Variants in PTPRG observed in about 807,000 individuals in gnomAD.
The protein encoded by PTPRG is protein tyrosine phosphatase receptor type G, also known as receptor-type tyrosine-protein phosphatase gamma.
Under a neutral mutation model 165.3 loss-of-function variants are expected in PTPRG, and 102 were observed. The observed-to-expected ratio is 0.62, with a 90% CI of 0.53 to 0.73. The LOEUF is 0.73. PTPRG is among the 30% of genes least tolerant of loss of function. The probability of loss-of-function intolerance (pLI) is 0.00; values close to 1 mark genes in which losing one functional copy is unlikely to be tolerated. For synonymous variants in PTPRG, 675 were observed against 669.5 expected (o/e 1.01, Z -0.13); for missense variants, 1,866 against 1,861.4 (o/e 1.00, Z -0.05).
intron 1 of PTPRG, among the ~76,000 whole-genome samples, chr3:61,572,255 T>G (rs981181960): frequency 5.3e-5 from 8 of 152,190 alleles, no homozygotes; most frequent in African/African-American, 1.9e-4. Flanking sequence ...TGTTTGTTTG[T>G]TTTTTAAACA....
Position 62,233,306 on chromosome 3 carries a change from C to A in PTPRG, c.2375+1995C>A, listed in dbSNP as rs1362569279. On this transcript the variant is annotated intron_variant, in intron 14 of 29. Coordinates refer to ENST00000474889, the MANE Select transcript of PTPRG (RefSeq NM_002841.4). This position sits in a 1 kb window ranked among gnomAD's most constrained non-coding sequence, Gnocchi z 4.7. The stretch of plus-strand genomic sequence containing the variant: ...ATGTCTGTGCTTCTTACGCTAGCCG[C>A]CCTGCTGTAATGTACAATTCCTCAT... 6.6e-6 allele frequency among the ~76,000 whole-genome samples: 1 copy of A among 152,164 alleles called. No homozygotes were observed. Among genetic ancestry groups the A allele is most frequent in the African/African-American group, 2.4e-5 (1 of 41,436 alleles).
intron 2 of PTPRG, among the ~76,000 whole-genome samples, chr3:61,955,553 A>G (rs1304815698): frequency 1.3e-5 from 2 of 152,208 alleles, no homozygotes; most frequent in Non-Finnish European, 2.9e-5. Flanking sequence ...ATCTATTTAT[A>G]TGTATGCTTG....
At chr3:62,144,007 A>G (rs1334838056) in intron 6 of PTPRG, among the ~76,000 whole-genome samples, 1 of 152,204 alleles carries the variant, frequency 6.6e-6, no homozygotes, top group Non-Finnish European at 1.5e-5. Flanking sequence ...GCAAACTATA[A>G]TCTGCAGACC....
intron 1 of PTPRG, among the ~76,000 whole-genome samples, chr3:61,676,507 T>A (rs1332313419): frequency 6.9e-6 from 1 of 144,404 alleles, no homozygotes; most frequent in Non-Finnish European, 1.5e-5. Flanking sequence ...ATTAGTACAT[T>A]TTCTGAATAC....
At chr3:61,845,301 G>T (rs1212070901) in intron 2 of PTPRG, among the ~76,000 whole-genome samples, 1 of 152,194 alleles carries the variant, frequency 6.6e-6, no homozygotes, top group African/African-American at 2.4e-5. Context: ...TGTGGTTACC[G>T]TGTTGAAATT....
At chr3:61,893,776 G>A (rs886437095) in intron 2 of PTPRG, among the ~76,000 whole-genome samples, 1 of 152,172 alleles carries the variant, frequency 6.6e-6, no homozygotes, top group Non-Finnish European at 1.5e-5. Context: ...ATTCTTGAGC[G>A]GGGGCATCCA....
At chr3:61,902,438 G>A (rs1329495581) in intron 2 of PTPRG, among the ~76,000 whole-genome samples, 1 of 152,096 alleles carries the variant, frequency 6.6e-6, no homozygotes, top group Admixed American at 6.5e-5. Flanking sequence ...CATCACCTGT[G>A]TATTAAGATT....
intron 2 of PTPRG, among the ~76,000 whole-genome samples, chr3:61,921,206 A>G (rs1049138785): frequency 1.3e-5 from 2 of 151,466 alleles, no homozygotes; most frequent in African/African-American, 2.4e-5. Context: ...ACAGATTACT[A>G]TTTAGCTTTA....
rs543374959 is a variant in PTPRG, at chr3:61,731,349, CT to C, written c.86-17511del. ...ACACAGAAGCTCACTTTCCTTTTTC[CT>C]TTTTTTTTTTTTTTTTTGAGACGGA... On this transcript the variant is annotated intron_variant, in intron 1 of 29. Coordinates refer to ENST00000474889, the MANE Select transcript of PTPRG (RefSeq NM_002841.4). Among the ~76,000 whole-genome samples, 942 of 132,146 alleles carry C rather than the reference CT, an allele frequency of 7.1e-3. 3 individuals carry two copies. Among genetic ancestry groups the C allele is most frequent in the African/African-American group, 0.012 (422 of 35,896 alleles). The allele number at this position is 132,146 out of a possible 152,430, so 86.7% of individuals were successfully genotyped here.
rs1229375405 is a variant in PTPRG at position 61,561,573 on chromosome 3, G to A, written c.-715G>A. 1 of 152,144 alleles carries A rather than the reference G, an allele frequency of 6.6e-6. No individual in the cohort carries two copies. Among genetic ancestry groups the A allele is most frequent in the Non-Finnish European group, 1.5e-5 (1 of 68,114 alleles). 9.4% of individuals were successfully genotyped at this position (152,144 alleles called of 1,614,324 possible). ...TCTCTGCCAGGATCCATGCTCACAT[G>A]TTACTTCCTGTATGGAGGCATGGCC... On this transcript the variant is annotated 5_prime_UTR_variant, in exon 1 of 30. It removes an upstream start codon present in the reference 5' UTR. Transcript: ENST00000474889.
intron 5 of PTPRG, among the ~76,000 whole-genome samples, chr3:62,086,616 A>G (rs991647949): frequency 2.0e-5 from 3 of 152,228 alleles, no homozygotes; most frequent in African/African-American, 7.2e-5. Context: ...TCCAGATATA[A>G]GTTCAATTCT....
intron 4 of PTPRG, among the ~76,000 whole-genome samples, chr3:62,033,308 T>C (rs1357023005): frequency 6.6e-6 from 1 of 152,030 alleles, no homozygotes; most frequent in East Asian, 1.9e-4. Context: ...CTTCTCTCTC[T>C]TCCTTGCTGA....
intron 2 of PTPRG, among the ~76,000 whole-genome samples, chr3:61,944,245 T>C (rs1000078724): frequency 3.9e-5 from 6 of 152,290 alleles, no homozygotes; most frequent in Middle Eastern, 3.4e-3. Flanking sequence ...AGATGTTCAT[T>C]GGTGTGCAGA....
chr3:62,159,678 A>G (rs141935549), intron 7 of PTPRG, among the ~76,000 whole-genome samples: 1 of 152,336 alleles, frequency 6.6e-6, no homozygotes, highest in East Asian at 1.9e-4. Flanking sequence ...TCCAATATAT[A>G]ACTTCTCTCT....
intron 2 of PTPRG, among the ~76,000 whole-genome samples, chr3:61,908,411 C>CAAAAAAAAAAAAAAA (rs776421819): frequency 1.7e-5 from 1 of 57,754 alleles, no homozygotes. Flanking sequence ...GGCAACAGAG[C>CAAAAAAAAAAAAAAA]AAAAAAAAAA....
intron 1 of PTPRG, among the ~76,000 whole-genome samples, chr3:61,672,325 G>A (rs1575579607): frequency 2.1e-5 from 3 of 145,238 alleles, no homozygotes; most frequent in South Asian, 2.4e-4. Context: ...GGTGGCGGCC[G>A]GGCAGAGGCT....
At chr3:61,838,309 T>C (rs892111414) in intron 2 of PTPRG, among the ~76,000 whole-genome samples, 60 of 152,274 alleles carry the variant, frequency 3.9e-4, no homozygotes, top group African/African-American at 1.4e-3. Context: ...TAATTAACCC[T>C]AGAAGTTGGG....
chr3:61,630,142 T>C (rs574666041), intron 1 of PTPRG, among the ~76,000 whole-genome samples: 1 of 152,338 alleles, frequency 6.6e-6, no homozygotes, highest in Non-Finnish European at 1.5e-5. Flanking sequence ...GTGCTTTAAA[T>C]AGATGATATT....
chr3:62,191,018 G>A (rs1413570995), intron 8 of PTPRG, among the ~76,000 whole-genome samples: 1 of 152,214 alleles, frequency 6.6e-6, no homozygotes, highest in East Asian at 1.9e-4. Flanking sequence ...GCGTCAGAAT[G>A]CTGCAGTGTT....
Sources: allele counts gnomAD v4.1 joint callset (sites outside exome capture counted in the v4.1 genomes callset), GRCh38; gene constraint gnomAD v4.1.1; non-coding constraint Gnocchi (gnomAD v3.1); transcripts MANE v1.5; gene names NCBI Gene and HGNC (gene_info 2026-07-23, HGNC 2026-07-21).